LRRC1: variants seen among roughly 807,000 people sequenced by gnomAD.
LRRC1 encodes leucine-rich repeat-containing protein 1.
Under a neutral mutation model 69.9 loss-of-function variants are expected in LRRC1, and 28 were observed. That is an observed-to-expected ratio of 0.40 (90% CI 0.30 to 0.55). The LOEUF is 0.55. Ranked by LOEUF, LRRC1 falls within the 20% of genes least tolerant of loss-of-function variation. LRRC1 has a pLI of 0.47. For missense variants in LRRC1, 498 were observed against 609.0 expected (o/e 0.82, Z 1.92); for synonymous variants, 236 against 240.2 (o/e 0.98, Z 0.16).
intron 2 of LRRC1, among the ~76,000 whole-genome samples, chr6:53,846,828 T>C (rs1765962191): frequency 6.6e-6 from 1 of 152,212 alleles, no homozygotes; most frequent in African/African-American, 2.4e-5. Context: ...AACTGATTAT[T>C]AGCTGCTTGA....
intron 1 of LRRC1, among the ~76,000 whole-genome samples, chr6:53,812,796 A>G (rs1236759450): frequency 1.3e-5 from 2 of 151,274 alleles, no homozygotes; most frequent in African/African-American, 2.4e-5. Flanking sequence ...TCAGGATGAG[A>G]TAGGGCAGTC....
chr6:53,902,802 AT>A (rs1247986176), intron 9 of LRRC1, 55 bp downstream of exon 9: 1 of 1,141,566 alleles, frequency 8.8e-7, no homozygotes, highest in South Asian at 1.5e-5. Flanking sequence ...ATTCTACTTA[AT>A]TTGTAATTTG....
chr6:53,905,012 TAGTCTA>T (rs2127438587), intron 10 of LRRC1: 1 of 152,444 alleles, frequency 6.6e-6, no homozygotes, highest in South Asian at 2.1e-4. Flanking sequence ...TTTTGGTTAG[TAGTCTA>T]AGCACGAGAA....
At chr6:53,844,387 A>G (rs1166581364) in intron 2 of LRRC1, among the ~76,000 whole-genome samples, 1 of 152,186 alleles carries the variant, frequency 6.6e-6, no homozygotes, top group Non-Finnish European at 1.5e-5. Flanking sequence ...GGCGGAAGGA[A>G]ACCATACAGC....
chr6:53,811,230 C>G (rs1764785201), intron 1 of LRRC1, among the ~76,000 whole-genome samples: 1 of 152,172 alleles, frequency 6.6e-6, no homozygotes, highest in Admixed American at 6.5e-5. Flanking sequence ...AGGAGCACAG[C>G]TTTAGTTTCT....
chr6:53,861,289 C>A (rs993675545), intron 2 of LRRC1, among the ~76,000 whole-genome samples: 1 of 151,658 alleles, frequency 6.6e-6, no homozygotes, highest in South Asian at 2.1e-4. Context: ...TGAACAATGC[C>A]CGAGTCCTAC....
At chr6:53,906,688 A>T (rs746014108) in intron 10 of LRRC1, among the ~76,000 whole-genome samples, 1 of 152,230 alleles carries the variant, frequency 6.6e-6, no homozygotes, top group Non-Finnish European at 1.5e-5. Context: ...ACAGTTTTTC[A>T]TGACGTGAAA....
chr6:53,820,364 C>G (rs1765083155), intron 1 of LRRC1, among the ~76,000 whole-genome samples: 1 of 149,462 alleles, frequency 6.7e-6, no homozygotes, highest in Non-Finnish European at 1.5e-5. Flanking sequence ...ATTTCACAGG[C>G]TTGTTAAAAG....
intron 4 of LRRC1, among the ~76,000 whole-genome samples, chr6:53,890,737 G>T (rs1053452057): frequency 6.6e-6 from 1 of 152,134 alleles, no homozygotes; most frequent in Non-Finnish European, 1.5e-5. Flanking sequence ...ATTCTAATTT[G>T]ATGCTGAAAG....
intron 1 of LRRC1, among the ~76,000 whole-genome samples, chr6:53,816,458 C>T (rs1461951017): frequency 2.0e-5 from 3 of 151,010 alleles, no homozygotes; most frequent in East Asian, 1.9e-4. Context: ...TCTTGAATCT[C>T]GTATGAAAGA....
intron 1 of LRRC1, among the ~76,000 whole-genome samples, chr6:53,809,345 A>G (rs1764725450): frequency 6.6e-6 from 1 of 152,236 alleles, no homozygotes; most frequent in Admixed American, 6.5e-5. Context: ...ATCTTATAAC[A>G]TATTACACTT....
intron 4 of LRRC1, among the ~76,000 whole-genome samples, chr6:53,891,869 G>A (rs1472387390): frequency 4.6e-5 from 7 of 151,908 alleles, no homozygotes; most frequent in Non-Finnish European, 8.8e-5. Flanking sequence ...GTGCATGCCT[G>A]TAGTCCCAGC....
At chr6:53,804,090 A>G (rs1320350994) in intron 1 of LRRC1, among the ~76,000 whole-genome samples, 1 of 152,176 alleles carries the variant, frequency 6.6e-6, no homozygotes, top group Non-Finnish European at 1.5e-5. Context: ...TATTAGTGCA[A>G]ATGACCTTGG....
intron 1 of LRRC1, among the ~76,000 whole-genome samples, chr6:53,795,785 A>G (rs537193224): frequency 3.3e-5 from 5 of 152,186 alleles, no homozygotes; most frequent in African/African-American, 1.2e-4. Context: ...AGAGCACTGC[A>G]TCCTCCCCCC....
chr6:53,813,130 A>G lies in LRRC1; in HGVS notation c.159+17715A>G, dbSNP rs142580499. Among the ~76,000 whole-genome samples, 300 of 152,258 alleles carry G rather than the reference A, an allele frequency of 2.0e-3. 4 individuals carry two copies. In the East Asian group the frequency reaches 0.041, roughly 21 times the overall value. ...GTTCCAGAAGGAATGGGTGGGCAGAAAGAAAAATGGAACAGCAGCATAGTG... is the reference window on the plus strand; with the variant it reads ...GTTCCAGAAGGAATGGGTGGGCAGAGAGAAAAATGGAACAGCAGCATAGTG... On this transcript the variant is annotated intron_variant, in intron 1 of 13. Transcript: ENST00000370888.
At chr6:53,903,580 T>G (rs1768135695) in intron 9 of LRRC1, among the ~76,000 whole-genome samples, 1 of 152,080 alleles carries the variant, frequency 6.6e-6, no homozygotes, top group African/African-American at 2.4e-5. Context: ...CCTTTTCGCT[T>G]TTCCTTTTCC....
intron 1 of LRRC1, among the ~76,000 whole-genome samples, chr6:53,829,734 C>T (rs937560868): frequency 4.6e-5 from 7 of 152,102 alleles, no homozygotes; most frequent in Admixed American, 1.3e-4. Context: ...GCTATTGGTA[C>T]CACTGAGCTA....
Position 53,897,343 on chromosome 6 carries a change from T to C in LRRC1, c.626T>C (p.Leu209Pro), listed in dbSNP as rs1306821533. The C allele has an allele frequency of 3.7e-6, 6 of 1,610,824 alleles. No homozygotes were observed. The highest frequency in any genetic ancestry group is 5.1e-6 in the Non-Finnish European group (6 of 1,177,268). The change falls in exon 7 of 14, where the codon CTG (leucine) becomes CCG (proline). Residue 209 changes from leucine (L) to proline (P), a missense_variant. Transcript: ENST00000370888. ...LKDLWLDGNQ[L>P]SELPQEIGNL... ...GATCTCTGGTTGGATGGAAATCAAC[T>C]GTCAGAATTACCTCAGGTAAGTGGT...
intron 11 of LRRC1, among the ~76,000 whole-genome samples, chr6:53,915,093 T>A (rs1282585252): frequency 6.6e-6 from 1 of 152,054 alleles, no homozygotes; most frequent in Non-Finnish European, 1.5e-5. Context: ...TGCTTTTGAG[T>A]GTGATGTGGT....
Sources: allele counts gnomAD v4.1 joint callset (sites outside exome capture counted in the v4.1 genomes callset), GRCh38; gene constraint gnomAD v4.1.1; transcripts MANE v1.5; gene names NCBI Gene and HGNC (gene_info 2026-07-23, HGNC 2026-07-21).